The following PDCD10 variants were observed in gnomAD, a reference collection of about 807,000 sequenced individuals.
PDCD10 encodes the protein programmed cell death protein 10.
A neutral mutation model predicts 29.2 loss-of-function variants in PDCD10; 4 were observed. The ratio of observed to expected loss-of-function variants is 0.14; its 90% CI spans 0.07 to 0.31. The LOEUF is 0.31. Among genes scored for constraint, PDCD10 ranks in the 10% least tolerant of loss-of-function variants. The probability of loss-of-function intolerance (pLI) is 1.00; values close to 1 mark genes in which losing one functional copy is unlikely to be tolerated. For missense variants in PDCD10, 183 were observed against 257.9 expected (o/e 0.71, Z 1.99); for synonymous variants, 70 against 82.2 (o/e 0.85, Z 0.80).
At chr3:167,712,184 T>C (rs1391073045) in intron 3 of PDCD10, among the ~76,000 whole-genome samples, 1 of 151,952 alleles carries the variant, frequency 6.6e-6, no homozygotes, top group African/African-American at 2.4e-5. Context: ...CAATCAAAAA[T>C]AATAACTATA....
intron 4 of PDCD10, chr3:167,698,127 G>A: frequency 2.8e-6 from 1 of 352,466 alleles, no homozygotes; most frequent in South Asian, 2.2e-5. Context: ...TCTTCCTATT[G>A]CTCTTTCCAT....
rs1333485045 is a variant in PDCD10, at chr3:167,695,742, A to G, written c.269-20T>C. 6.2e-7 allele frequency: 1 copy of G among 1,611,560 alleles called. No homozygotes were observed. The highest frequency in any genetic ancestry group is 1.7e-5 in the Admixed American group (1 of 60,026). On this transcript the variant is annotated intron_variant, in intron 5 of 8. Transcript: ENST00000392750. ...TATACTCTGATAAAATAAATACATA[A>G]TAAAAAACATCCTGCGACTCTCTGC...
At chr3:167,718,391 T>C (rs1470352615) in intron 3 of PDCD10, among the ~76,000 whole-genome samples, 1 of 151,830 alleles carries the variant, frequency 6.6e-6, no homozygotes, top group Non-Finnish European at 1.5e-5. Context: ...AATGGGTAAG[T>C]ATCAGAAAAA....
chr3:167,709,446 C>T lies in PDCD10; in HGVS notation c.97-4551G>A, dbSNP rs575749625. 4.6e-5 allele frequency among the ~76,000 whole-genome samples: 7 copies of T among 152,196 alleles called. No homozygotes were observed. The South Asian group carries it at 1.5e-3, about 32-fold the overall frequency. On this transcript the variant is annotated intron_variant, in intron 3 of 8. Coordinates refer to ENST00000392750, the MANE Select transcript of PDCD10 (RefSeq NM_007217.4). ...CACTTGGGTGGAGAGAGCACAGCAA[C>T]TGGGAGACTTTGTACTAAACTTAGT...
chr3:167,696,226 C>T lies in PDCD10; in HGVS notation c.269-504G>A, dbSNP rs116094607. Reference sequence around the variant, plus strand: ...AAAATCTTCTACACATTTTTGAAATCTCACTTAAAAACAAAAACACCAGCA... The same window carrying T: ...AAAATCTTCTACACATTTTTGAAATTTCACTTAAAAACAAAAACACCAGCA... On this transcript the variant is annotated intron_variant, in intron 5 of 8. Coordinates refer to ENST00000392750, the MANE Select transcript of PDCD10 (RefSeq NM_007217.4). Among the ~76,000 whole-genome samples, 186 of 152,110 alleles carry T rather than the reference C, an allele frequency of 1.2e-3. 1 individual carries two copies. The highest frequency in any genetic ancestry group is 4.2e-3 in the African/African-American group (176 of 41,506).
At chr3:167,706,235 G>T (rs1247591169) in intron 3 of PDCD10, among the ~76,000 whole-genome samples, 1 of 152,206 alleles carries the variant, frequency 6.6e-6, no homozygotes, top group Non-Finnish European at 1.5e-5. Context: ...TAAGTCACAG[G>T]AAGGTCAGAC....
intron 3 of PDCD10, among the ~76,000 whole-genome samples, chr3:167,718,261 A>T (rs1464231036): frequency 6.6e-6 from 1 of 152,160 alleles, no homozygotes; most frequent in Non-Finnish European, 1.5e-5. Context: ...ACATGCATGC[A>T]GCCTTTTTCA....
Position 167,697,061 on chromosome 3 carries a change from C to T in PDCD10, c.216G>A (p.Val72=). The T allele has an allele frequency of 1.2e-6, 2 of 1,611,858 alleles. No individual in the cohort carries two copies. The highest frequency in any genetic ancestry group is 1.7e-6 in the Non-Finnish European group (2 of 1,178,060). The change falls in exon 5 of 9, where the codon GTG becomes GTA. Residue 72 remains valine, a synonymous_variant. Transcript: ENST00000392750. ...IIMKILEKKS[V]EVNFTESLLR... ...GAAGGGACTCCGTGAAGTTAACTTCCACGCTTTTTTTCTCTAAAATTTTCA... is the reference window on the plus strand; with the variant it reads ...GAAGGGACTCCGTGAAGTTAACTTCTACGCTTTTTTTCTCTAAAATTTTCA...
At chr3:167,722,814 C>T (rs974648730) in intron 2 of PDCD10, among the ~76,000 whole-genome samples, 2 of 152,136 alleles carry the variant, frequency 1.3e-5, no homozygotes, top group Non-Finnish European at 2.9e-5. Flanking sequence ...GACATCTCTA[C>T]CTACCTACCC....
At chr3:167,704,673 T>C (rs554567095) in intron 4 of PDCD10, 169 bp downstream of exon 4, 1 of 561,154 alleles carries the variant, frequency 1.8e-6, no homozygotes, top group African/African-American at 1.9e-5. Context: ...TAACATTTGT[T>C]CTAGTTTATC....
intron 8 of PDCD10, among the ~76,000 whole-genome samples, chr3:167,686,488 G>A (rs993210561): frequency 1.3e-5 from 2 of 152,094 alleles, no homozygotes; most frequent in Admixed American, 6.6e-5. Flanking sequence ...TCTGCAGGTG[G>A]GGCCTAGGCA....
intron 3 of PDCD10, among the ~76,000 whole-genome samples, chr3:167,716,687 T>C (rs1233200383): frequency 1.3e-5 from 2 of 152,012 alleles, no homozygotes; most frequent in African/African-American, 2.4e-5. Flanking sequence ...TATCTGCTAA[T>C]AATTCGCAGA....
intron 2 of PDCD10, among the ~76,000 whole-genome samples, chr3:167,729,970 C>G (rs1179700515): frequency 6.6e-6 from 1 of 152,004 alleles, no homozygotes; most frequent in Non-Finnish European, 1.5e-5. Flanking sequence ...AACTGAACAG[C>G]AGAAAATCAC....
chr3:167,696,751 G>A (rs1286681916), intron 5 of PDCD10, among the ~76,000 whole-genome samples: 2 of 151,964 alleles, frequency 1.3e-5, no homozygotes, highest in African/African-American at 4.8e-5. Flanking sequence ...CATAAAGGGG[G>A]GAAAAATTGA....
At chr3:167,733,465 A>G (rs1230726370) in intron 2 of PDCD10, among the ~76,000 whole-genome samples, 1 of 152,186 alleles carries the variant, frequency 6.6e-6, no homozygotes, top group Non-Finnish European at 1.5e-5. Flanking sequence ...GAATGAATTG[A>G]AAGTCACAGT....
intron 6 of PDCD10, among the ~76,000 whole-genome samples, chr3:167,688,533 CT>C (rs557129444): frequency 1.3e-5 from 2 of 151,928 alleles, no homozygotes; most frequent in African/African-American, 4.8e-5. Flanking sequence ...TTTTTCTGAA[CT>C]TTTTTTTGCC....
chr3:167,704,555 A>G (rs1170277913), intron 4 of PDCD10: 1 of 273,094 alleles, frequency 3.7e-6, no homozygotes. Context: ...GTCAAATAAT[A>G]GAAAAAAAAA....
chr3:167,713,060 C>G (rs1391742244), intron 3 of PDCD10, among the ~76,000 whole-genome samples: 4 of 151,990 alleles, frequency 2.6e-5, no homozygotes, highest in African/African-American at 9.7e-5. Flanking sequence ...GACAGAAAAT[C>G]AACAAAGAAA....
At chr3:167,705,777 G>T (rs189664941) in intron 3 of PDCD10, among the ~76,000 whole-genome samples, 1 of 152,166 alleles carries the variant, frequency 6.6e-6, no homozygotes, top group Admixed American at 6.5e-5. Context: ...AATGTAGAAA[G>T]AAATAACTAT....
Sources: gnomAD v4.1 joint callset for allele counts (sites outside exome capture counted in the v4.1 genomes callset) on GRCh38, gnomAD v4.1.1 for gene constraint, MANE v1.5 for transcripts, NCBI Gene and HGNC (gene_info 2026-07-23, HGNC 2026-07-21) for gene names.